PCDH15: variants seen among roughly 807,000 people sequenced by gnomAD.
The protein encoded by PCDH15 is protocadherin related 15, also known as protocadherin-15.
PCDH15 carries 129 observed loss-of-function variants against 178.5 expected under a neutral mutation model. The ratio of observed to expected loss-of-function variants is 0.72; its 90% confidence interval spans 0.63 to 0.84. The LOEUF is 0.84. Ranked by LOEUF, PCDH15 falls within the 40% of genes least tolerant of loss-of-function variation. The pLI is 0.00. For synonymous variants in PCDH15, 800 were observed against 732.0 expected (o/e 1.09, Z -1.50); for missense variants, 2,230 against 2,099.9 (o/e 1.06, Z -1.21).
At chr10:54,417,092 G>A (rs959514478) in intron 3 of PCDH15, among the ~76,000 whole-genome samples, 32 of 152,034 alleles carry the variant, frequency 2.1e-4, no homozygotes, top group African/African-American at 6.3e-4. Context: ...GTTTCACCAT[G>A]TTTCCCAGGC....
In PCDH15 at chr10:53,858,150, C is replaced by T. The variant is rs148044686; in HGVS notation, c.3718-887G>A. Among the ~76,000 whole-genome samples, 27 of 152,240 alleles carry T rather than the reference C, an allele frequency of 1.8e-4. No individual in the cohort carries two copies. In the East Asian group the frequency reaches 5.0e-3, roughly 28 times the overall value. On this transcript the variant is annotated intron_variant, in intron 27 of 37. Transcript: ENST00000644397. ...CTAAAAAGCCATATATTATCATGCA[C>T]ATACATTTATACACTATTAAAATAT... is the stretch of plus-strand genomic sequence containing the variant.
Position 54,577,677 on chromosome 10 carries a change from T to C in PCDH15, c.92-49800A>G, listed in dbSNP as rs532067598. Among the ~76,000 whole-genome samples the C allele has an allele frequency of 1.8e-3, 280 of 152,180 alleles. 1 individual carries two copies. Among genetic ancestry groups the C allele is most frequent in the African/African-American group, 6.6e-3 (275 of 41,552 alleles). ...TTCTTATAATAATTAATTTACTGGT[T>C]ATGCCCCTTACAGGAGTCAGGAAAC... On this transcript the variant is annotated intron_variant, in intron 2 of 37. Coordinates refer to ENST00000644397, the MANE Select transcript of PCDH15 (RefSeq NM_001384140.1).
Position 54,668,045 on chromosome 10 carries a change from T to G in PCDH15, c.-28-3755A>C, listed in dbSNP as rs372117348. Among the ~76,000 whole-genome samples the G allele has an allele frequency of 6.2e-4, 95 of 152,210 alleles. 2 individuals are homozygous for G. The South Asian group carries it at 0.019, about 31-fold the overall frequency. The stretch of plus-strand genomic sequence containing the variant: ...AATTATTCAAGACAAACATACTAAT[T>G]TTGAATTTCACATCATTTGTATTTC... On this transcript the variant is annotated intron_variant, in intron 1 of 37. Transcript: ENST00000644397.
At chr10:54,314,902 G>T (rs1229497203) in intron 8 of PCDH15, among the ~76,000 whole-genome samples, 2 of 152,110 alleles carry the variant, frequency 1.3e-5, no homozygotes, top group Non-Finnish European at 2.9e-5. Flanking sequence ...ATTCCATGTG[G>T]TATATGTACA....
chr10:54,043,374 T>TCG (rs775163964), intron 18 of PCDH15, among the ~76,000 whole-genome samples: 1 of 150,632 alleles, frequency 6.6e-6, no homozygotes, highest in East Asian at 2.0e-4. Context: ...TACAACCTGC[T>TCG]CTCTCTCTCT....
At chr10:54,084,112 G>A (rs1313990211) in intron 16 of PCDH15, among the ~76,000 whole-genome samples, 2 of 149,770 alleles carry the variant, frequency 1.3e-5, no homozygotes, top group Admixed American at 1.3e-4. Flanking sequence ...TTGAGACAGA[G>A]TCTCTCTCTG....
intron 2 of PCDH15, among the ~76,000 whole-genome samples, chr10:55,077,929 G>A (rs116433967): frequency 0.013 from 1,957 of 152,166 alleles, 43 homozygotes; most frequent in African/African-American, 0.044. Flanking sequence ...TTATACTTTT[G>A]TATATTCTCA....
intron 3 of PCDH15, among the ~76,000 whole-genome samples, chr10:54,414,792 G>A (rs1236751926): frequency 1.3e-5 from 2 of 152,104 alleles, no homozygotes; most frequent in Non-Finnish European, 2.9e-5. Context: ...ATAGTAAGTA[G>A]TAGAGCCAGG....
intron 3 of PCDH15, among the ~76,000 whole-genome samples, chr10:54,459,960 A>C (rs2077068850): frequency 6.6e-6 from 1 of 152,042 alleles, no homozygotes; most frequent in Admixed American, 6.6e-5. Context: ...AGCTCTTTCT[A>C]TTTGCCATTA....
intron 2 of PCDH15, among the ~76,000 whole-genome samples, chr10:55,107,031 T>A (rs1056426304): frequency 1.3e-5 from 2 of 152,240 alleles, no homozygotes; most frequent in Admixed American, 6.5e-5. Context: ...GAAAGCAAGA[T>A]CTTTGCCTTT....
At chr10:54,819,029 A>G (rs10763145) in intron 3 of PCDH15, among the ~76,000 whole-genome samples, 42,402 of 151,812 alleles carry the variant, frequency 0.28, 6,064 homozygotes, top group Middle Eastern at 0.36. Context: ...GGCTCAAGAA[A>G]TTCTCCTGTC....
chr10:54,331,161 A>C (rs2133907718), intron 6 of PCDH15, among the ~76,000 whole-genome samples: 1 of 66,324 alleles, frequency 1.5e-5, no homozygotes, highest in East Asian at 2.1e-4. Flanking sequence ...AGTTAAACTC[A>C]ATGAAAAAAA....
At chr10:54,439,985 C>T (rs2075694257) in intron 3 of PCDH15, among the ~76,000 whole-genome samples, 1 of 151,902 alleles carries the variant, frequency 6.6e-6, no homozygotes, top group Non-Finnish European at 1.5e-5. Flanking sequence ...CAACATAAAA[C>T]CTGATCTCTT....
chr10:54,279,901 C>A (rs1184272470), intron 8 of PCDH15, among the ~76,000 whole-genome samples: 2 of 151,674 alleles, frequency 1.3e-5, no homozygotes, highest in African/African-American at 4.8e-5. Flanking sequence ...GGACATTAAG[C>A]TTGCTATGGT....
At chr10:55,531,923 T>C (rs924504175) in intron 2 of PCDH15, among the ~76,000 whole-genome samples, 2 of 152,012 alleles carry the variant, frequency 1.3e-5, no homozygotes, top group Non-Finnish European at 2.9e-5. Flanking sequence ...TCCTTATATC[T>C]AGAAAGCAGA....
At chr10:54,004,140 CATA>C (rs2092292921) in intron 20 of PCDH15, among the ~76,000 whole-genome samples, 1 of 151,650 alleles carries the variant, frequency 6.6e-6, no homozygotes, top group Admixed American at 6.6e-5. Flanking sequence ...CATACCTCAA[CATA>C]ATAAAAGTGA....
At chr10:54,628,348 C>T (rs1283475401) in intron 2 of PCDH15, among the ~76,000 whole-genome samples, 1 of 152,174 alleles carries the variant, frequency 6.6e-6, no homozygotes, top group Non-Finnish European at 1.5e-5. Flanking sequence ...CAGAGATTTA[C>T]CAACTTGATC....
intron 15 of PCDH15, among the ~76,000 whole-genome samples, chr10:54,119,453 G>T (rs905947003): frequency 3.9e-5 from 6 of 151,916 alleles, no homozygotes; most frequent in Non-Finnish European, 7.4e-5. Context: ...AAAGAAAAAA[G>T]AATTTTTTAA....
At chr10:55,444,818 T>C (rs577858444) in intron 2 of PCDH15, among the ~76,000 whole-genome samples, 74 of 152,248 alleles carry the variant, frequency 4.9e-4, no homozygotes, top group Non-Finnish European at 9.3e-4. Context: ...ATTGACAAAT[T>C]GTTGAATCAT....
Sources: allele counts gnomAD v4.1 joint callset (sites outside exome capture counted in the v4.1 genomes callset), GRCh38; gene constraint gnomAD v4.1.1; transcripts MANE v1.5; gene names NCBI Gene and HGNC (gene_info 2026-07-23, HGNC 2026-07-21).